The following PCCA variants were observed in gnomAD, a reference collection of about 807,000 sequenced individuals.
The protein encoded by PCCA is propionyl-CoA carboxylase subunit alpha, also known as propionyl-CoA carboxylase alpha chain, mitochondrial.
PCCA carries 74 observed loss-of-function variants against 101.3 expected under a neutral mutation model. The observed-to-expected ratio is 0.73, with a 90% CI of 0.61 to 0.89. The LOEUF (loss-of-function observed/expected upper bound fraction) is 0.89. Ranked by LOEUF, PCCA falls within the 40% of genes least tolerant of loss-of-function variation. The pLI, the probability that PCCA is intolerant of heterozygous loss-of-function variation, is 0.00. For synonymous variants in PCCA, 294 were observed against 313.6 expected (o/e 0.94, Z 0.66); for missense variants, 891 against 907.0 (o/e 0.98, Z 0.23).
At chr13:100,209,681 G>T (rs986921966) in intron 7 of PCCA, among the ~76,000 whole-genome samples, 1 of 152,074 alleles carries the variant, frequency 6.6e-6, no homozygotes, top group Non-Finnish European at 1.5e-5. Context: ...GCCCAGGCTG[G>T]AGTGCAATGA....
intron 19 of PCCA, among the ~76,000 whole-genome samples, chr13:100,413,432 C>A (rs1285873908): frequency 6.6e-6 from 1 of 151,994 alleles, no homozygotes; most frequent in African/African-American, 2.4e-5. Context: ...TAATAGGAAT[C>A]TGATGAAATT....
At chr13:100,438,353 A>G (rs2080097583) in intron 20 of PCCA, among the ~76,000 whole-genome samples, 1 of 151,798 alleles carries the variant, frequency 6.6e-6, no homozygotes, top group South Asian at 2.1e-4. Context: ...ATGAGGGCAC[A>G]CTATGTTGCC....
intron 16 of PCCA, among the ~76,000 whole-genome samples, chr13:100,319,050 C>T (rs2067702871): frequency 6.6e-6 from 1 of 152,196 alleles, no homozygotes. Flanking sequence ...GATGGTATCT[C>T]ATTGTGGTTT....
intron 21 of PCCA, among the ~76,000 whole-genome samples, chr13:100,502,592 A>G (rs772717123): frequency 5.9e-5 from 9 of 152,322 alleles, no homozygotes; most frequent in South Asian, 2.1e-4. Context: ...GACCACAGGG[A>G]ATCGACCTTA....
intron 6 of PCCA, among the ~76,000 whole-genome samples, chr13:100,174,662 A>G (rs2056062930): frequency 6.7e-6 from 1 of 149,308 alleles, no homozygotes; most frequent in African/African-American, 2.5e-5. Context: ...TGGAAGGTGG[A>G]GGTTGCAGTG....
rs2075363711 is a variant in PCCA, at chr13:100,368,520, A to T, written c.1692A>T (p.Lys564Asn). The T allele has an allele frequency of 6.2e-7, 1 of 1,611,750 alleles. No individual in the cohort carries two copies. Among genetic ancestry groups the T allele is most frequent in the Non-Finnish European group, 8.5e-7 (1 of 1,178,460 alleles). Reference protein sequence around the residue: ...PDIANWELSVKLHDKVHTVVA... With the variant: ...PDIANWELSVNLHDKVHTVVA... ...TAGCCAACTGGGAGCTCTCAGTAAAATTGCATGATAAAGTTCATACCGTAG... is the reference window on the plus strand; with the variant it reads ...TAGCCAACTGGGAGCTCTCAGTAAATTTGCATGATAAAGTTCATACCGTAG... The change falls in exon 19 of 24, where the codon AAA (lysine) becomes AAT (asparagine). Residue 564 changes from lysine to asparagine, a missense_variant. Physicochemically the swap from Lys to Asn is moderately conservative, Grantham distance 94 (BLOSUM62 0). Coordinates refer to ENST00000376285, the MANE Select transcript of PCCA (RefSeq NM_000282.4).
intron 4 of PCCA, among the ~76,000 whole-genome samples, chr13:100,146,644 A>G (rs758979223): frequency 6.6e-6 from 1 of 152,082 alleles, no homozygotes. Flanking sequence ...ATGTGCCCAA[A>G]CTCACTAATA....
intron 21 of PCCA, among the ~76,000 whole-genome samples, chr13:100,468,926 C>G (rs2082744428): frequency 6.6e-6 from 1 of 151,918 alleles, no homozygotes; most frequent in African/African-American, 2.4e-5. Flanking sequence ...GAAACAATCC[C>G]TTTGACTGGG....
intron 12 of PCCA, among the ~76,000 whole-genome samples, chr13:100,274,775 T>C (rs2063530097): frequency 6.6e-6 from 1 of 152,124 alleles, no homozygotes; most frequent in African/African-American, 2.4e-5. Context: ...TCATACGTGA[T>C]TTCCTCTGCC....
intron 16 of PCCA, among the ~76,000 whole-genome samples, chr13:100,318,578 G>A (rs146441387): frequency 0.011 from 1,721 of 149,716 alleles, 39 homozygotes; most frequent in African/African-American, 0.04. Flanking sequence ...GAGAACATGC[G>A]GTGTTTGGTT....
intron 22 of PCCA, among the ~76,000 whole-genome samples, chr13:100,520,591 C>A (rs2087184477): frequency 7.1e-6 from 1 of 141,672 alleles, no homozygotes; most frequent in Non-Finnish European, 1.5e-5. Flanking sequence ...GCGGAGATCG[C>A]GCCACAGCAC....
chr13:100,341,957 GTATATATATATATA>G (rs35822001), intron 18 of PCCA, among the ~76,000 whole-genome samples: 10 of 107,150 alleles, frequency 9.3e-5, no homozygotes, highest in African/African-American at 4.3e-4. Flanking sequence ...ACCCTTCAAA[GTATATATATATATA>G]TATATATATA....
At chr13:100,331,884 G>GA (rs36102435) in intron 17 of PCCA, among the ~76,000 whole-genome samples, 93,210 of 136,536 alleles carry the variant, frequency 0.68, 31,865 homozygotes, top group Middle Eastern at 0.79. Context: ...TTGAATTAAT[G>GA]AAAAAAAAAA....
At chr13:100,354,532 C>T (rs2073749164) in intron 18 of PCCA, among the ~76,000 whole-genome samples, 1 of 151,774 alleles carries the variant, frequency 6.6e-6, no homozygotes, top group African/African-American at 2.4e-5. Flanking sequence ...GAAATAGATA[C>T]TAGAAAGCAA....
intron 4 of PCCA, among the ~76,000 whole-genome samples, chr13:100,129,264 C>G (rs966737280): frequency 6.6e-6 from 1 of 152,124 alleles, no homozygotes; most frequent in Non-Finnish European, 1.5e-5. Context: ...TTAAAATCTT[C>G]TAGTGAATCT....
At chr13:100,524,374 C>CGTGTGTGTGTGTGTGTGTGTGTGTGTGT (rs1210676697) in intron 22 of PCCA, among the ~76,000 whole-genome samples, 7 of 139,168 alleles carry the variant, frequency 5.0e-5, no homozygotes, top group African/African-American at 2.6e-5. Flanking sequence ...CAATTAAGCT[C>CGTGTGTGTGTGTGTGTGTGTGTGTGTGT]GTGTGTGTGT....
intron 19 of PCCA, among the ~76,000 whole-genome samples, chr13:100,386,914 G>A (rs914029050): frequency 2.0e-5 from 3 of 152,152 alleles, no homozygotes; most frequent in African/African-American, 4.8e-5. Context: ...AACCCTACAT[G>A]TGTATTACCT....
chr13:100,141,083 T>C (rs765136178), intron 4 of PCCA, among the ~76,000 whole-genome samples: 4 of 152,174 alleles, frequency 2.6e-5, no homozygotes, highest in Non-Finnish European at 5.9e-5. Context: ...GTGGATGTTA[T>C]TTTCTTTCCA....
chr13:100,382,413 C>A (rs1413146143), intron 19 of PCCA, among the ~76,000 whole-genome samples: 1 of 152,034 alleles, frequency 6.6e-6, no homozygotes, highest in Non-Finnish European at 1.5e-5. Flanking sequence ...TGGGGTGGGG[C>A]CATGGGTAGT....
Sources: allele counts gnomAD v4.1 joint callset (sites outside exome capture counted in the v4.1 genomes callset), GRCh38; gene constraint gnomAD v4.1.1; transcripts MANE v1.5; gene names NCBI Gene and HGNC (gene_info 2026-07-23, HGNC 2026-07-21).